The following RBPMS variants were observed in gnomAD, a reference collection of about 807,000 sequenced individuals.
The protein encoded by RBPMS is RNA-binding protein with multiple splicing.
In RBPMS, 7 loss-of-function variants were observed where a neutral mutation model predicts 26.8. The observed-to-expected ratio is 0.26, with a 90% CI of 0.15 to 0.49. The LOEUF is 0.49. Ranked by LOEUF, RBPMS falls within the 20% of genes least tolerant of loss-of-function variation. The pLI is 0.98. For synonymous variants in RBPMS, 96 were observed against 93.3 expected, an observed-to-expected ratio of 1.03 and a Z score of -0.17; for missense variants, 186 against 250.0, an observed-to-expected ratio of 0.74 and a Z score of 1.73.
intron 4 of RBPMS, among the ~76,000 whole-genome samples, chr8:30,488,659 A>C (rs1011377794): frequency 6.6e-6 from 1 of 152,222 alleles, no homozygotes; most frequent in Non-Finnish European, 1.5e-5. Flanking sequence ...TTATCTGTAG[A>C]GGTGTTTACC....
At chr8:30,412,966 G>C (rs528796393) in intron 1 of RBPMS, among the ~76,000 whole-genome samples, 1 of 152,300 alleles carries the variant, frequency 6.6e-6, no homozygotes, top group East Asian at 1.9e-4. Flanking sequence ...CCCAAGAACC[G>C]TATTTGTTTA....
chr8:30,391,063 G>A (rs1214067754), intron 1 of RBPMS, among the ~76,000 whole-genome samples: 3 of 152,096 alleles, frequency 2.0e-5, no homozygotes, highest in African/African-American at 4.8e-5. Context: ...CTCCATTTGC[G>A]AGCACAGGTG....
chr8:30,554,650 G>A (rs1446159326), intron 6 of RBPMS, among the ~76,000 whole-genome samples: 2 of 152,126 alleles, frequency 1.3e-5, no homozygotes, highest in East Asian at 3.9e-4. Flanking sequence ...TTACAGTGTC[G>A]TTTATTGGAT....
At chr8:30,558,984 G>C in intron 7 of RBPMS, 28 bp downstream of exon 7, 2 of 1,596,476 alleles carry the variant, frequency 1.3e-6, no homozygotes, top group Non-Finnish European at 1.7e-6. Context: ...TTTGGAATGT[G>C]CGAAGCCCCT....
intron 4 of RBPMS, among the ~76,000 whole-genome samples, chr8:30,497,947 A>C (rs1200056337): frequency 6.6e-6 from 1 of 151,714 alleles, no homozygotes; most frequent in Non-Finnish European, 1.5e-5. Flanking sequence ...GATAGTAGCA[A>C]ATTTGACCTT....
At chr8:30,480,773 A>G (rs1181694081) in intron 4 of RBPMS, among the ~76,000 whole-genome samples, 3 of 152,262 alleles carry the variant, frequency 2.0e-5, no homozygotes, top group Non-Finnish European at 4.4e-5. Flanking sequence ...GAATTTTCTC[A>G]GTATAATGAC....
At chr8:30,557,698 ACT>A (rs1310310306) in intron 6 of RBPMS, among the ~76,000 whole-genome samples, 1 of 151,530 alleles carries the variant, frequency 6.6e-6, no homozygotes, top group Non-Finnish European at 1.5e-5. Flanking sequence ...CACCTTCTCC[ACT>A]CCCAGCAGCA....
Position 30,385,137 on chromosome 8 carries a change from G to A in RBPMS, c.45G>A (p.Glu15=), listed in dbSNP as rs1806858323. Residue 15 remains glutamate (E), a synonymous_variant, in exon 1 of 9, where the codon GAG becomes GAA. Transcript: ENST00000397323. ...CCGAGAAGGAGAACACCCCGAGCGA[G>A]GCCAACCTTCAGGAGGAGGAGGTAC... ...GKAEKENTPS[E]ANLQEEEVRT... 3.9e-6 allele frequency: 6 copies of A among 1,526,202 alleles called. No homozygotes were observed. Among genetic ancestry groups the A allele is most frequent in the East Asian group, 5.4e-5 (2 of 37,210 alleles). The allele number at this position is 1,526,202 out of a possible 1,614,324, so 94.5% of individuals were successfully genotyped here. A position where few individuals can be genotyped will look rare whatever the true frequency, so the allele number is the denominator to read the frequency against.
intron 1 of RBPMS, among the ~76,000 whole-genome samples, chr8:30,423,016 C>T (rs1810968745): frequency 6.6e-6 from 1 of 152,158 alleles, no homozygotes; most frequent in Non-Finnish European, 1.5e-5. Context: ...GCAGCTATCC[C>T]AAGTGGGGTT....
At chr8:30,427,603 GTGTTACAGCATACATATCATGT>G (rs1413770121) in intron 1 of RBPMS, among the ~76,000 whole-genome samples, 1 of 152,178 alleles carries the variant, frequency 6.6e-6, no homozygotes, top group African/African-American at 2.4e-5. Flanking sequence ...TTAAAGGTCT[GTGTTACAGCATACATATCATGT>G]TGTAATTATT....
intron 1 of RBPMS, among the ~76,000 whole-genome samples, chr8:30,421,199 G>GCT (rs1004420086): frequency 1.1e-4 from 16 of 152,150 alleles, no homozygotes; most frequent in Admixed American, 9.2e-4. Flanking sequence ...GTGCGCATGA[G>GCT]CTGGTCAGCT....
chr8:30,507,925 C>G (rs1404706795), intron 5 of RBPMS, among the ~76,000 whole-genome samples: 1 of 152,078 alleles, frequency 6.6e-6, no homozygotes, highest in Non-Finnish European at 1.5e-5. Context: ...GAAACTGAGG[C>G]CTGGGAAAGT....
chr8:30,415,233 A>G (rs757801176), intron 1 of RBPMS, among the ~76,000 whole-genome samples: 1 of 151,886 alleles, frequency 6.6e-6, no homozygotes, highest in Admixed American at 6.6e-5. Flanking sequence ...CAACAATTCT[A>G]CTTTCCAAAT....
intron 1 of RBPMS, among the ~76,000 whole-genome samples, chr8:30,461,601 T>C (rs1233254345): frequency 6.6e-6 from 1 of 152,134 alleles, no homozygotes; most frequent in Non-Finnish European, 1.5e-5. Context: ...TTCACCATGT[T>C]AGCCAGGATA....
intron 1 of RBPMS, among the ~76,000 whole-genome samples, chr8:30,470,409 T>C (rs190970252): frequency 3.6e-4 from 55 of 152,048 alleles, no homozygotes; most frequent in Middle Eastern, 3.4e-3. Flanking sequence ...TGATTCTAGA[T>C]CCCAGTCACC....
intron 4 of RBPMS, among the ~76,000 whole-genome samples, chr8:30,491,220 A>T: frequency 6.6e-6 from 1 of 152,196 alleles, no homozygotes; most frequent in South Asian, 2.1e-4. Context: ...ATCCTTAGTG[A>T]AATAAAGGAT....
chr8:30,474,714 T>G (rs1233436697), intron 1 of RBPMS, 65 bp from the exon 2 acceptor site: 11 of 861,306 alleles, frequency 1.3e-5, no homozygotes, highest in South Asian at 5.8e-5. Flanking sequence ...TTCTGAGATA[T>G]CAGGTGAGAG....
intron 6 of RBPMS, chr8:30,545,135 G>GAT: frequency 7.6e-7 from 1 of 1,318,830 alleles, no homozygotes; most frequent in Non-Finnish European, 9.9e-7. Flanking sequence ...TTACAGGAAA[G>GAT]ATTAAGGGTT....
intron 5 of RBPMS, among the ~76,000 whole-genome samples, chr8:30,536,379 G>A (rs1311802894): frequency 3.3e-5 from 5 of 152,076 alleles, no homozygotes; most frequent in African/African-American, 9.7e-5. Flanking sequence ...CGCCCGCCTC[G>A]GCCTCCCAAA....
Sources: allele counts gnomAD v4.1 joint callset (sites outside exome capture counted in the v4.1 genomes callset), GRCh38; gene constraint gnomAD v4.1.1; transcripts MANE v1.5; gene names NCBI Gene and HGNC (gene_info 2026-07-23, HGNC 2026-07-21).